The following ATP2C2 variants were observed in gnomAD, a reference collection of about 807,000 sequenced individuals.
The protein encoded by ATP2C2 is ATPase secretory pathway Ca2+ transporting 2.
A neutral mutation model predicts 110.8 loss-of-function variants in ATP2C2; 171 were observed. The ratio of observed to expected loss-of-function variants is 1.54; its 90% CI spans 1.36 to 1.75. ATP2C2 has a LOEUF of 1.75. ATP2C2 is among the 40% of genes most tolerant of loss of function. The probability of loss-of-function intolerance (pLI) is 0.00; values close to 1 mark genes in which losing one functional copy is unlikely to be tolerated. For missense variants in ATP2C2, 1,963 were observed against 1,235.0 expected, an observed-to-expected ratio of 1.59 and a Z score of -8.84; for synonymous variants, 804 against 508.4, an observed-to-expected ratio of 1.58 and a Z score of -7.82.
chr16:84,370,408 T>C (rs974609357), intron 1 of ATP2C2, among the ~76,000 whole-genome samples: 1 of 152,174 alleles, frequency 6.6e-6, no homozygotes, highest in African/African-American at 2.4e-5. Context: ...AAAGAAGCCA[T>C]GCTGTCTCCA....
At chr16:84,449,551 C>T (rs544496118) in intron 17 of ATP2C2, among the ~76,000 whole-genome samples, 1 of 152,138 alleles carries the variant, frequency 6.6e-6, no homozygotes, top group Admixed American at 6.5e-5. Context: ...TTGGAAGAGA[C>T]GGTGAATCCC....
At chr16:84,393,778 C>T (rs1904804988) in intron 1 of ATP2C2, among the ~76,000 whole-genome samples, 1 of 151,614 alleles carries the variant, frequency 6.6e-6, no homozygotes, top group African/African-American at 2.4e-5. Flanking sequence ...CTGTGACCGA[C>T]ACAGGTGGGA....
At chr16:84,435,232 A>G (rs1386031976) in intron 11 of ATP2C2, among the ~76,000 whole-genome samples, 2 of 152,258 alleles carry the variant, frequency 1.3e-5, no homozygotes, top group Non-Finnish European at 2.9e-5. Context: ...ATCACTTCTA[A>G]TAAGTGATGT....
intron 7 of ATP2C2, among the ~76,000 whole-genome samples, chr16:84,420,862 G>T (rs1907269702): frequency 6.6e-6 from 1 of 152,160 alleles, no homozygotes; most frequent in Non-Finnish European, 1.5e-5. Flanking sequence ...CTGGAGTGCA[G>T]TGGGGCAATC....
In ATP2C2 at chr16:84,422,702, G is replaced by C; in HGVS notation, c.843+5G>C. ...AAGATGATGCAGGCTGAAGAGGTAA[G>C]GGGCAGGAGGGGGCTTCGGGACTTT... On this transcript the variant is annotated splice_donor_5th_base_variant and intron_variant, in intron 9 of 26. Coordinates refer to ENST00000262429, the MANE Select transcript of ATP2C2 (RefSeq NM_014861.4). 1 of 1,601,426 alleles carries C rather than the reference G, an allele frequency of 6.2e-7. No homozygotes were observed. Among genetic ancestry groups the C allele is most frequent in the Non-Finnish European group, 8.5e-7 (1 of 1,175,742 alleles).
intron 20 of ATP2C2, among the ~76,000 whole-genome samples, chr16:84,453,795 G>A (rs1910540619): frequency 6.6e-6 from 1 of 152,138 alleles, no homozygotes; most frequent in African/African-American, 2.4e-5. Flanking sequence ...AGCTGTAATT[G>A]GATAACGTAG....
chr16:84,420,608 C>A (rs916769234), intron 7 of ATP2C2, among the ~76,000 whole-genome samples: 11 of 152,070 alleles, frequency 7.2e-5, no homozygotes, highest in Non-Finnish European at 1.5e-4. Context: ...TTGGGTACAT[C>A]GGTCACAACT....
At chr16:84,460,992 A>G in intron 24 of ATP2C2, 191 bp downstream of exon 24, 1 of 767,088 alleles carries the variant, frequency 1.3e-6, no homozygotes, top group South Asian at 2.5e-5. Flanking sequence ...GAAAGAAGGG[A>G]GGTCGCCAGG....
At position 84,454,813 on chromosome 16, in the gene ATP2C2, C is replaced by T; in HGVS notation, c.1981-5C>T. The T allele has an allele frequency of 6.3e-7, 1 of 1,584,300 alleles. No homozygotes were observed. The highest frequency in any genetic ancestry group is 1.4e-5 in the African/African-American group (1 of 73,546). ...GCAGGCCTTCATTGCCTGCTCTTTC[C>T]AAAGGCTCTGCAGGAGTCAGGGGCG... On this transcript the variant is annotated splice_polypyrimidine_tract_variant and splice_region_variant and intron_variant, in intron 20 of 26. Transcript: ENST00000262429.
chr16:84,369,196 C>G (rs1329142843), intron 1 of ATP2C2, among the ~76,000 whole-genome samples: 2 of 152,246 alleles, frequency 1.3e-5, no homozygotes, highest in Admixed American at 6.5e-5. Context: ...AGCCTCACTT[C>G]CTACAGTCAG....
Position 84,426,207 on chromosome 16 carries a change from G to A in ATP2C2, c.986+406G>A, listed in dbSNP as rs144388626. On this transcript the variant is annotated intron_variant, in intron 11 of 26. Coordinates refer to ENST00000262429, the MANE Select transcript of ATP2C2 (RefSeq NM_014861.4). ...CAAGGCGGAAGGGGAAGGGGGAGCA[G>A]GCATGTCACATGGCAAGAGCAGGGG... is the stretch of plus-strand genomic sequence containing the variant. 3.8e-3 allele frequency among the ~76,000 whole-genome samples: 585 copies of A among 152,264 alleles called. 2 individuals are homozygous for A. Among genetic ancestry groups the A allele is most frequent in the African/African-American group, 0.013 (553 of 41,542 alleles).
intron 1 of ATP2C2, among the ~76,000 whole-genome samples, chr16:84,385,569 T>C (rs1431267683): frequency 6.6e-6 from 1 of 152,230 alleles, no homozygotes; most frequent in Non-Finnish European, 1.5e-5. Context: ...GACTCTGTAT[T>C]AGTCCACTCT....
At chr16:84,460,481 G>A in intron 23 of ATP2C2, 173 bp from the exon 24 acceptor site, 2 of 867,448 alleles carry the variant, frequency 2.3e-6, no homozygotes, top group Non-Finnish European at 1.9e-6. Flanking sequence ...CCCAGGCTCT[G>A]GGGCTTCTGG....
intron 9 of ATP2C2, 151 bp downstream of exon 9, chr16:84,422,848 A>AGTGATGGCGCGATGTAACAC: frequency 1.1e-6 from 1 of 919,196 alleles, no homozygotes; most frequent in Non-Finnish European, 1.6e-6. Context: ...TTTTTTTAAT[A>AGTGATGGCGCGATGTAACAC]GAGACAGGGT....
At chr16:84,450,969 C>G (rs746041512) in intron 17 of ATP2C2, among the ~76,000 whole-genome samples, 1 of 152,118 alleles carries the variant, frequency 6.6e-6, no homozygotes, top group Non-Finnish European at 1.5e-5. Flanking sequence ...TTTCTGCAGC[C>G]ACTTTTGTTG....
chr16:84,418,301 C>A (rs1051725307), intron 7 of ATP2C2, among the ~76,000 whole-genome samples: 15 of 152,076 alleles, frequency 9.9e-5, no homozygotes, highest in Admixed American at 7.2e-4. Flanking sequence ...GTTCCCCCGA[C>A]TCTATTTTCG....
intron 16 of ATP2C2, among the ~76,000 whole-genome samples, chr16:84,448,106 T>C (rs1241331436): frequency 6.6e-6 from 1 of 152,094 alleles, no homozygotes; most frequent in Admixed American, 6.6e-5. Context: ...GCTTCACTAT[T>C]ACAAGCCAAG....
Position 84,453,639 on chromosome 16 carries a change from C to G in ATP2C2, c.1980+268C>G, listed in dbSNP as rs532711688. 6.5e-4 allele frequency among the ~76,000 whole-genome samples: 99 copies of G among 152,222 alleles called. 1 individual carries two copies. The highest frequency in any genetic ancestry group is 2.3e-3 in the African/African-American group (96 of 41,514). ...TGCGCTGACAGCCCCTTGGCCAGAA[C>G]ACAGTCACGGGCCCAGGTTTAGCTG... On this transcript the variant is annotated intron_variant, in intron 20 of 26. Coordinates refer to ENST00000262429, the MANE Select transcript of ATP2C2 (RefSeq NM_014861.4).
At position 84,405,143 on chromosome 16, in the gene ATP2C2, G is replaced by T; in HGVS notation, c.226G>T (p.Gly76Trp). The T allele has an allele frequency of 6.2e-7, 1 of 1,613,936 alleles. No homozygotes were observed. The highest frequency in any genetic ancestry group is 1.1e-5 in the South Asian group (1 of 91,060). Residue 76 changes from glycine (G) to tryptophan (W), a missense_variant, in exon 3 of 27, where the codon GGG becomes TGG. Physicochemically the swap from Gly to Trp is radical, Grantham distance 184. Coordinates refer to ENST00000262429, the MANE Select transcript of ATP2C2 (RefSeq NM_014861.4). The part of the protein sequence containing the change: ...ARAFCVDLHT[G>W]LSEFSVTQRR... ...CTCCTTCCAGGTGGACTTACACACT[G>T]GGCTGTCGGAGTTCTCGGTGACGCA... is the stretch of plus-strand genomic sequence containing the variant.
Sources: allele counts gnomAD v4.1 joint callset (sites outside exome capture counted in the v4.1 genomes callset), GRCh38; gene constraint gnomAD v4.1.1; transcripts MANE v1.5; gene names NCBI Gene and HGNC (gene_info 2026-07-23, HGNC 2026-07-21).